Variants in TRHDE observed in about 807,000 individuals in gnomAD.
TRHDE encodes thyrotropin-releasing hormone-degrading ectoenzyme.
In TRHDE, 72 loss-of-function variants were observed where a neutral mutation model predicts 125.7. The observed-to-expected ratio is 0.57, with a 90% CI of 0.47 to 0.70. The LOEUF (loss-of-function observed/expected upper bound fraction) is 0.70, where lower values mean the gene tolerates loss of function less well. Among genes scored for constraint, TRHDE ranks in the 30% least tolerant of loss-of-function variants. TRHDE has a pLI of 0.00. For missense variants in TRHDE, 1,110 were observed against 1,327.1 expected (o/e 0.84, Z 2.54); for synonymous variants, 509 against 509.1 (o/e 1.00, Z 0.00).
At chr12:72,448,104 A>G (rs1875388958) in intron 3 of TRHDE, among the ~76,000 whole-genome samples, 1 of 152,070 alleles carries the variant, frequency 6.6e-6, no homozygotes. Context: ...CTGTTTCACT[A>G]TCTCCTTGCA....
intron 2 of TRHDE, among the ~76,000 whole-genome samples, chr12:72,212,151 A>G (rs554001176): frequency 6.6e-6 from 1 of 152,216 alleles, no homozygotes; most frequent in East Asian, 1.9e-4. Context: ...TTTTTCATGT[A>G]CATATTTTCT....
intron 2 of TRHDE, among the ~76,000 whole-genome samples, chr12:72,210,289 C>T (rs1877753218): frequency 6.6e-6 from 1 of 152,024 alleles, no homozygotes; most frequent in South Asian, 2.1e-4. Flanking sequence ...TAACATTCTT[C>T]TCAGTAACAT....
chr12:72,631,828 T>A (rs1037585420), intron 15 of TRHDE, among the ~76,000 whole-genome samples: 5 of 151,964 alleles, frequency 3.3e-5, no homozygotes, highest in African/African-American at 1.2e-4. Context: ...TTTATGGTTA[T>A]GCCAAAAAAC....
chr12:72,526,574 TC>T (rs1367794461), intron 6 of TRHDE, among the ~76,000 whole-genome samples: 1 of 152,150 alleles, frequency 6.6e-6, no homozygotes, highest in Non-Finnish European at 1.5e-5. Context: ...TACTGTAAAA[TC>T]ATTTCTTCAT....
At chr12:72,089,933 A>G (rs570675934) in intron 1 of TRHDE, among the ~76,000 whole-genome samples, 25 of 152,320 alleles carry the variant, frequency 1.6e-4, no homozygotes, top group African/African-American at 5.8e-4. Flanking sequence ...CAATGAATAG[A>G]TGATGGATGA....
chr12:72,295,178 G>A (rs1014675169), intron 2 of TRHDE, among the ~76,000 whole-genome samples: 3 of 151,416 alleles, frequency 2.0e-5, no homozygotes, highest in African/African-American at 7.3e-5. Context: ...GTTGCAGACG[G>A]GGCTCCTGCC....
intron 2 of TRHDE, among the ~76,000 whole-genome samples, chr12:72,327,440 T>G (rs1480952274): frequency 6.6e-6 from 1 of 152,162 alleles, no homozygotes; most frequent in African/African-American, 2.4e-5. Context: ...GAATTTAGGT[T>G]ATGTTTATGA....
chr12:72,152,594 T>C (rs377063292), intron 2 of TRHDE, among the ~76,000 whole-genome samples: 1 of 152,130 alleles, frequency 6.6e-6, no homozygotes. Flanking sequence ...TTATTGAGAG[T>C]TTTTAGCATG....
intron 3 of TRHDE, among the ~76,000 whole-genome samples, chr12:72,417,799 A>G (rs1873792777): frequency 6.6e-6 from 1 of 151,950 alleles, no homozygotes; most frequent in Non-Finnish European, 1.5e-5. Flanking sequence ...ACAAATATTA[A>G]TAGGTTTTAT....
At chr12:72,421,528 T>C (rs1873953259) in intron 3 of TRHDE, among the ~76,000 whole-genome samples, 1 of 152,212 alleles carries the variant, frequency 6.6e-6, no homozygotes, top group African/African-American at 2.4e-5. Flanking sequence ...GGGCTTCTTT[T>C]GATCTGGCCT....
chr12:72,644,141 A>T (rs1431953811), intron 15 of TRHDE, among the ~76,000 whole-genome samples: 10 of 152,178 alleles, frequency 6.6e-5, no homozygotes, highest in Admixed American at 2.6e-4. Flanking sequence ...AAACTAATTG[A>T]AATGTTCCTG....
chr12:72,089,327 G>A (rs1047864824), intron 1 of TRHDE, among the ~76,000 whole-genome samples: 17 of 152,232 alleles, frequency 1.1e-4, no homozygotes, highest in African/African-American at 3.9e-4. Context: ...AGGTCAGATT[G>A]TATCACTCTT....
intron 12 of TRHDE, among the ~76,000 whole-genome samples, chr12:72,592,796 C>T (rs897808007): frequency 6.6e-6 from 1 of 151,754 alleles, no homozygotes; most frequent in Non-Finnish European, 1.5e-5. Context: ...CTGCAACCTC[C>T]ACCTCCCGGG....
intron 2 of TRHDE, among the ~76,000 whole-genome samples, chr12:72,156,295 C>A (rs1876505796): frequency 6.6e-6 from 1 of 152,220 alleles, no homozygotes; most frequent in Non-Finnish European, 1.5e-5. Context: ...ACATCTGTCA[C>A]CCCTTTCTTT....
intron 12 of TRHDE, among the ~76,000 whole-genome samples, chr12:72,597,401 C>A (rs1481205823): frequency 6.6e-6 from 1 of 151,936 alleles, no homozygotes; most frequent in South Asian, 2.1e-4. Flanking sequence ...GGCATGGTGG[C>A]TCATGCCTGT....
intron 1 of TRHDE, among the ~76,000 whole-genome samples, chr12:72,282,112 TAGAC>T (rs1262338853): frequency 1.3e-5 from 2 of 152,168 alleles, no homozygotes; most frequent in Admixed American, 6.5e-5. Flanking sequence ...TTTATGGTAA[TAGAC>T]AGATTCATTA....
intron 15 of TRHDE, among the ~76,000 whole-genome samples, chr12:72,640,001 G>T (rs1400805932): frequency 6.6e-6 from 1 of 152,070 alleles, no homozygotes; most frequent in Non-Finnish European, 1.5e-5. Flanking sequence ...ACAGAGGCAG[G>T]CAGGCCTCCT....
Position 72,273,547 on chromosome 12 carries a change from G to A in TRHDE, c.904G>A (p.Gly302Arg), listed in dbSNP as rs368667547. 8.8e-6 allele frequency: 14 copies of A among 1,596,266 alleles called. No individual in the cohort carries two copies. Among genetic ancestry groups the A allele is most frequent in the South Asian group, 3.3e-5 (3 of 90,838 alleles). Residue 302 changes from glycine to arginine, a missense_variant, in exon 1 of 19, where the codon GGG (glycine) becomes AGG (arginine). By Grantham distance (125) the Gly-to-Arg change is moderately radical. Coordinates refer to ENST00000261180, the MANE Select transcript of TRHDE (RefSeq NM_013381.3). The surrounding 1 kb of genome is among the most constrained non-coding windows in gnomAD (Gnocchi z 5.3). ...CTTCCGCAGCTCCTATGTGCTCCAC[G>A]GGGAGAGAAGGTATGGAGGGAGGCG... ...GFFRSSYVLH[G>R]ERRFLGVTQF...
Position 72,575,341 on chromosome 12 carries a change from C to G in TRHDE, c.2218C>G (p.Leu740Val), listed in dbSNP as rs992187911. ...QTGYFRVNYD[L>V]RNWRLLIDQL... ...TGGCTATTTTAGAGTCAACTATGAC[C>G]TAAGGAACTGGAGATTATTAATTGA... is the stretch of plus-strand genomic sequence containing the variant. Residue 740 changes from leucine (L) to valine (V), a missense_variant, in exon 11 of 19, where the codon CTA becomes GTA. Physicochemically the swap from Leu to Val is conservative, Grantham distance 32. Around this residue, in one of 5 missense-constraint regions of TRHDE, gnomAD observed 527 missense variants for 651.8 expected, o/e 0.81. Coordinates refer to ENST00000261180, the MANE Select transcript of TRHDE (RefSeq NM_013381.3). The G allele has an allele frequency of 6.2e-7, 1 of 1,613,562 alleles. No individual in the cohort carries two copies.
Sources: allele counts gnomAD v4.1 joint callset (sites outside exome capture counted in the v4.1 genomes callset), GRCh38; gene constraint gnomAD v4.1.1; regional missense constraint gnomAD v4.1.1; non-coding constraint Gnocchi (gnomAD v3.1); transcripts MANE v1.5; gene names NCBI Gene and HGNC (gene_info 2026-07-23, HGNC 2026-07-21).